ANXA10: variants seen among roughly 807,000 people sequenced by gnomAD.
The protein encoded by ANXA10 is annexin 14.
Under a neutral mutation model 53.5 loss-of-function variants are expected in ANXA10, and 49 were observed. The observed-to-expected ratio is 0.92, with a 90% CI of 0.73 to 1.16. The LOEUF (loss-of-function observed/expected upper bound fraction) is 1.16. Ranked by LOEUF, ANXA10 falls within the 50% of genes most tolerant of loss-of-function variation. The pLI is 0.00. For synonymous variants in ANXA10, 131 were observed against 128.9 expected (o/e 1.02, Z -0.11); for missense variants, 393 against 394.4 (o/e 1.00, Z 0.03).
At chr4:168,157,293 A>G (rs13103272) in intron 3 of ANXA10, among the ~76,000 whole-genome samples, 28,072 of 151,854 alleles carry the variant, frequency 0.18, 2,764 homozygotes, top group Non-Finnish European at 0.21. Flanking sequence ...TTTGATACAG[A>G]GTCTTGCTCT....
intron 1 of ANXA10, among the ~76,000 whole-genome samples, chr4:168,093,071 T>C (rs772419072): frequency 3.6e-4 from 55 of 152,160 alleles, no homozygotes; most frequent in Non-Finnish European, 7.5e-4. Context: ...ACAGAGTTAA[T>C]ATTATGAAAT....
rs1731636599 is a variant in ANXA10, at chr4:168,155,871, TATATTATATGTTATATATA to T, written c.196-6652_196-6634del. On this transcript the variant is annotated intron_variant, in intron 3 of 11. Coordinates refer to ENST00000359299, the MANE Select transcript of ANXA10 (RefSeq NM_007193.5). The stretch of plus-strand genomic sequence containing the variant: ...ATAATATATCATATATGATATATCA[TATATTATATGTTATATATA>T]ATATATGATATATCATATATTATAT... Among the ~76,000 whole-genome samples the T allele has an allele frequency of 3.3e-4, 12 of 35,964 alleles. 1 individual carries two copies. Among genetic ancestry groups the T allele is most frequent in the African/African-American group, 7.5e-4 (6 of 7,974 alleles). The allele number at this position is 35,964 out of a possible 152,430, so 23.6% of individuals were successfully genotyped here. A position where few individuals can be genotyped will look rare whatever the true frequency, so the allele number is the denominator to read the frequency against.
chr4:168,165,075 C>A (rs1451431470), intron 5 of ANXA10, 172 bp from the exon 6 acceptor site: 2 of 404,738 alleles, frequency 4.9e-6, no homozygotes, highest in East Asian at 3.8e-5. Context: ...CTTATGTTAC[C>A]ATTAGGTGAC....
At chr4:168,114,006 G>A (rs923597235) in intron 1 of ANXA10, among the ~76,000 whole-genome samples, 11 of 152,074 alleles carry the variant, frequency 7.2e-5, no homozygotes, top group Non-Finnish European at 1.5e-4. Context: ...ATTCTGGAAG[G>A]GCTGATCAAT....
intron 1 of ANXA10, among the ~76,000 whole-genome samples, chr4:168,112,006 GC>G (rs1306018510): frequency 6.6e-6 from 1 of 152,086 alleles, no homozygotes; most frequent in Non-Finnish European, 1.5e-5. Flanking sequence ...AAAAAGAAAA[GC>G]CAGGCTGTGG....
intron 1 of ANXA10, among the ~76,000 whole-genome samples, chr4:168,122,751 C>A (rs529832213): frequency 6.6e-6 from 1 of 152,192 alleles, no homozygotes; most frequent in South Asian, 2.1e-4. Context: ...TACTAAATCT[C>A]GTGAGAACTC....
chr4:168,154,827 AG>A (rs1388973319), intron 3 of ANXA10, among the ~76,000 whole-genome samples: 1 of 152,146 alleles, frequency 6.6e-6, no homozygotes, highest in Non-Finnish European at 1.5e-5. Context: ...CCTAACTCAC[AG>A]GGTTGTTGTA....
intron 10 of ANXA10, among the ~76,000 whole-genome samples, chr4:168,183,849 T>G (rs192430605): frequency 6.6e-6 from 1 of 152,204 alleles, no homozygotes; most frequent in Non-Finnish European, 1.5e-5. Context: ...TTATTAGTAA[T>G]ATACATTCAA....
rs756189041 is a variant in ANXA10, at chr4:168,181,706, G to C, written c.748G>C (p.Ala250Pro). 1.9e-6 allele frequency: 3 copies of C among 1,604,248 alleles called. No homozygotes were observed. The highest frequency in any genetic ancestry group is 1.7e-5 in the Admixed American group (1 of 59,982). The change falls in exon 10 of 12, where the codon GCC becomes CCC. Residue 250 changes from alanine to proline, a missense_variant. Transcript: ENST00000359299. ...AIVLCVRDKP[A>P]YFAYRLYSAI... ...AGTTCTCTGTGTTCGAGACAAACCA[G>C]CCTATTTTGCTTATAGATTATATAG...
intron 9 of ANXA10, among the ~76,000 whole-genome samples, chr4:168,180,818 C>T (rs1435224927): frequency 6.6e-6 from 1 of 152,178 alleles, no homozygotes; most frequent in East Asian, 1.9e-4. Context: ...ATAAACACTA[C>T]TGAATGTTTA....
chr4:168,168,023 G>C (rs527856595), intron 6 of ANXA10, among the ~76,000 whole-genome samples: 4 of 152,228 alleles, frequency 2.6e-5, no homozygotes, highest in South Asian at 4.1e-4. Context: ...TTGCAAACTA[G>C]CAAGTTATTT....
intron 6 of ANXA10, among the ~76,000 whole-genome samples, chr4:168,167,662 T>TA (rs1041876585): frequency 1.3e-5 from 2 of 152,216 alleles, no homozygotes; most frequent in African/African-American, 4.8e-5. Flanking sequence ...TGAGGATCTC[T>TA]AAAAACTTAG....
intron 2 of ANXA10, among the ~76,000 whole-genome samples, chr4:168,134,501 T>G (rs1259066801): frequency 1.3e-5 from 2 of 152,172 alleles, no homozygotes; most frequent in Non-Finnish European, 2.9e-5. Flanking sequence ...CTATAATAAT[T>G]TCATAAATGT....
At chr4:168,145,698 C>A (rs996749496) in intron 3 of ANXA10, among the ~76,000 whole-genome samples, 1 of 152,160 alleles carries the variant, frequency 6.6e-6, no homozygotes, top group African/African-American at 2.4e-5. Flanking sequence ...TTATATGACC[C>A]TTTTCCTCCA....
chr4:168,138,396 GA>G (rs376666349), intron 2 of ANXA10, among the ~76,000 whole-genome samples: 10,057 of 148,434 alleles, frequency 0.068, 442 homozygotes, highest in South Asian at 0.15. Context: ...TCTTCTTTTG[GA>G]AAAAAAAAAG....
intron 3 of ANXA10, among the ~76,000 whole-genome samples, chr4:168,147,554 T>C (rs1458470126): frequency 1.3e-5 from 2 of 152,164 alleles, no homozygotes; most frequent in South Asian, 2.1e-4. Flanking sequence ...CCCTCCAGTA[T>C]TTAGGAGCAT....
At chr4:168,153,349 C>G (rs1389202137) in intron 3 of ANXA10, among the ~76,000 whole-genome samples, 3 of 146,610 alleles carry the variant, frequency 2.0e-5, no homozygotes, top group Non-Finnish European at 4.5e-5. Flanking sequence ...AGGGCCTTCC[C>G]CATCCCTCTT....
intron 3 of ANXA10, among the ~76,000 whole-genome samples, chr4:168,160,218 C>T (rs981054148): frequency 1.3e-5 from 2 of 151,986 alleles, no homozygotes; most frequent in Non-Finnish European, 2.9e-5. Flanking sequence ...TCCCTGCTTG[C>T]CCCCGCCCCC....
chr4:168,142,306 T>C (rs1429353415), intron 3 of ANXA10, among the ~76,000 whole-genome samples: 1 of 152,114 alleles, frequency 6.6e-6, no homozygotes, highest in Non-Finnish European at 1.5e-5. Context: ...CTGCTCTCCG[T>C]CTTCATCCCT....
Sources: allele counts gnomAD v4.1 joint callset (sites outside exome capture counted in the v4.1 genomes callset), GRCh38; gene constraint gnomAD v4.1.1; transcripts MANE v1.5; gene names NCBI Gene and HGNC (gene_info 2026-07-23, HGNC 2026-07-21).